The following RBM47 variants were observed in gnomAD, a reference collection of about 807,000 sequenced individuals.
RBM47 encodes the protein RNA binding motif protein 47.
In RBM47, 21 loss-of-function variants were observed where a neutral mutation model predicts 47.1. That is an observed-to-expected ratio of 0.45 (90% CI 0.32 to 0.64). The LOEUF (loss-of-function observed/expected upper bound fraction) is 0.64. Among genes scored for constraint, RBM47 ranks in the 30% least tolerant of loss-of-function variants. The pLI is 0.05. For missense variants in RBM47, 708 were observed against 870.9 expected, an observed-to-expected ratio of 0.81 and a Z score of 2.35; for synonymous variants, 375 against 361.7, an observed-to-expected ratio of 1.04 and a Z score of -0.42.
In RBM47 at chr4:40,516,261, C is replaced by CTTTCT. The variant is rs1553894774; in HGVS notation, c.-155+28160_-155+28161insAGAAA. Among the ~76,000 whole-genome samples, 622 of 133,138 alleles carry CTTTCT rather than the reference C, an allele frequency of 4.7e-3. 5 individuals carry two copies. The highest frequency in any genetic ancestry group is 0.015 in the African/African-American group (523 of 35,672). 87.3% of individuals were successfully genotyped at this position (133,138 alleles called of 152,430 possible). A position where few individuals can be genotyped will look rare whatever the true frequency, so the allele number is the denominator to read the frequency against. On this transcript the variant is annotated intron_variant, in intron 2 of 6. Transcript: ENST00000295971. ...CGATGATTCTCTTTTTCTTTTCTTT[C>CTTTCT]TTTTTTTTTTTTTTTTTGAGACGGA...
At position 40,425,314 on chromosome 4, in the gene RBM47, T is replaced by A. The variant is rs554603157; in HGVS notation, c.*590A>T. ...CTTTTAAAAAATAGTACCGCCATGA[T>A]GATACATGGTAACACCATCAACCCT... is the stretch of plus-strand genomic sequence containing the variant. On this transcript the variant is annotated 3_prime_UTR_variant, in exon 7 of 7. Transcript: ENST00000295971. The A allele has an allele frequency of 6.5e-6, 1 of 152,844 alleles. No individual in the cohort carries two copies. The highest frequency in any genetic ancestry group is 2.1e-4 in the South Asian group (1 of 4,838). The allele number at this position is 152,844 out of a possible 1,614,324, so 9.5% of individuals were successfully genotyped here.
intron 2 of RBM47, among the ~76,000 whole-genome samples, chr4:40,506,788 T>C (rs893412876): frequency 2.0e-5 from 3 of 152,196 alleles, no homozygotes; most frequent in Non-Finnish European, 2.9e-5. Context: ...AAAAGAATGA[T>C]TCAGATGGAG....
At chr4:40,610,351 G>A (rs1395700039) in intron 1 of RBM47, among the ~76,000 whole-genome samples, 3 of 151,622 alleles carry the variant, frequency 2.0e-5, no homozygotes, top group African/African-American at 4.8e-5. Context: ...GGCCAGGCGC[G>A]GTGGCTCATG....
At chr4:40,556,933 A>G (rs1398960374) in intron 1 of RBM47, among the ~76,000 whole-genome samples, 1 of 145,578 alleles carries the variant, frequency 6.9e-6, no homozygotes, top group Non-Finnish European at 1.5e-5. Context: ...GGTGGGATGA[A>G]GAGCTGCAGG....
At chr4:40,431,836 G>T (rs1160208524) in intron 6 of RBM47, among the ~76,000 whole-genome samples, 1 of 151,978 alleles carries the variant, frequency 6.6e-6, no homozygotes, top group African/African-American at 2.4e-5. Flanking sequence ...TGGAAGAGAG[G>T]ATTATGGGCA....
At chr4:40,547,331 C>T (rs769961677) in intron 1 of RBM47, among the ~76,000 whole-genome samples, 1 of 152,122 alleles carries the variant, frequency 6.6e-6, no homozygotes, top group East Asian at 1.9e-4. Flanking sequence ...CGGGGATGGG[C>T]CCTAATGCAA....
chr4:40,448,269 G>GTA (rs998231485), intron 3 of RBM47, among the ~76,000 whole-genome samples: 6 of 143,812 alleles, frequency 4.2e-5, no homozygotes, highest in Non-Finnish European at 7.4e-5. Flanking sequence ...CTGTGAGAGT[G>GTA]TGTGTGTGTG....
At chr4:40,447,443 G>C (rs1262997952) in intron 3 of RBM47, among the ~76,000 whole-genome samples, 2 of 152,180 alleles carry the variant, frequency 1.3e-5, no homozygotes, top group African/African-American at 4.8e-5. Flanking sequence ...TTTGTTCAGA[G>C]TAGCTTTCAT....
chr4:40,592,973 ATATATATTTTTTT>A (rs1560493362), intron 1 of RBM47, among the ~76,000 whole-genome samples: 41 of 17,960 alleles, frequency 2.3e-3, no homozygotes, highest in South Asian at 3.0e-3. Context: ...ATATATATAT[ATATATATTTTTTT>A]TTTTTTTTTT....
At chr4:40,573,073 A>G (rs1013853181) in intron 1 of RBM47, among the ~76,000 whole-genome samples, 7 of 150,756 alleles carry the variant, frequency 4.6e-5, no homozygotes, top group African/African-American at 1.5e-4. Flanking sequence ...GAATTGCTTG[A>G]ACCCAGGAGG....
chr4:40,546,625 A>C (rs1229716506), intron 1 of RBM47, among the ~76,000 whole-genome samples: 1 of 152,204 alleles, frequency 6.6e-6, no homozygotes, highest in Non-Finnish European at 1.5e-5. Context: ...TTTGTTCCAA[A>C]GTTCTTCCCA....
chr4:40,605,293 G>A (rs992156212), intron 1 of RBM47, among the ~76,000 whole-genome samples: 1 of 151,872 alleles, frequency 6.6e-6, no homozygotes, highest in South Asian at 2.1e-4. Flanking sequence ...CCAAAGTGCT[G>A]GGATTACAGG....
intron 3 of RBM47, among the ~76,000 whole-genome samples, chr4:40,444,818 T>C (rs10031572): frequency 0.83 from 126,262 of 151,578 alleles, 53,044 homozygotes; most frequent in Middle Eastern, 0.9. Context: ...GTGCGTACCA[T>C]CATGTCCGGT....
At position 40,461,620 on chromosome 4, in the gene RBM47, G is replaced by A. The variant is rs577267880; in HGVS notation, c.-32+4957C>T. ...TTTCAGTTTGTTTCTCATAGGTTCC[G>A]AAGTCAGAGTTTTAAAAGATTTAAC... On this transcript the variant is annotated intron_variant, in intron 3 of 6. Coordinates refer to ENST00000295971, the MANE Select transcript of RBM47 (RefSeq NM_001098634.2). 4.6e-5 allele frequency among the ~76,000 whole-genome samples: 7 copies of A among 152,236 alleles called. No homozygotes were observed. The South Asian group carries it at 1.2e-3, about 27-fold the overall frequency.
At chr4:40,438,949 GT>G (rs1713198377) in intron 3 of RBM47, 25 bp from the exon 4 acceptor site, 1 of 1,466,554 alleles carries the variant, frequency 6.8e-7, no homozygotes, top group East Asian at 2.4e-5. Flanking sequence ...AGAAGCGTGA[GT>G]GGGGAACCGC....
chr4:40,480,548 G>A (rs528134834), intron 2 of RBM47, among the ~76,000 whole-genome samples: 1 of 152,288 alleles, frequency 6.6e-6, no homozygotes, highest in South Asian at 2.1e-4. Context: ...GGAACTTTGA[G>A]ATGGCATCTT....
intron 6 of RBM47, among the ~76,000 whole-genome samples, chr4:40,430,619 C>A (rs906197133): frequency 2.0e-4 from 31 of 152,280 alleles, no homozygotes; most frequent in Middle Eastern, 3.4e-3. Context: ...CTGAATAATG[C>A]AGTCAAGACT....
At chr4:40,488,877 C>G (rs1721484762) in intron 2 of RBM47, among the ~76,000 whole-genome samples, 1 of 152,162 alleles carries the variant, frequency 6.6e-6, no homozygotes, top group African/African-American at 2.4e-5. Context: ...CACGACAATC[C>G]TATGAGGTAC....
At chr4:40,434,455 A>G (rs1711959234) in intron 5 of RBM47, among the ~76,000 whole-genome samples, 1 of 152,158 alleles carries the variant, frequency 6.6e-6, no homozygotes, top group South Asian at 2.1e-4. Flanking sequence ...GCTCCAGGAC[A>G]CAACTTTACA....
Sources: gnomAD v4.1 joint callset for allele counts (sites outside exome capture counted in the v4.1 genomes callset) on GRCh38, gnomAD v4.1.1 for gene constraint, MANE v1.5 for transcripts, NCBI Gene and HGNC (gene_info 2026-07-23, HGNC 2026-07-21) for gene names.